The following PRICKLE1 variants were observed in gnomAD, a reference collection of about 807,000 sequenced individuals.
PRICKLE1 encodes the protein prickle planar cell polarity protein 1, also known as prickle-like protein 1.
In PRICKLE1, 14 loss-of-function variants were observed where a neutral mutation model predicts 70.2. The ratio of observed to expected loss-of-function variants is 0.20; its 90% CI spans 0.13 to 0.31. PRICKLE1 has a LOEUF of 0.31. PRICKLE1 is among the 10% of genes least tolerant of loss of function. The pLI is 1.00. For missense variants in PRICKLE1, 821 were observed against 1,026.2 expected, an observed-to-expected ratio of 0.80 and a Z score of 2.73; for synonymous variants, 357 against 379.9, an observed-to-expected ratio of 0.94 and a Z score of 0.70.
At chr12:42,556,813 C>T (rs1592026272) in intron 1 of PRICKLE1, among the ~76,000 whole-genome samples, 3 of 152,080 alleles carry the variant, frequency 2.0e-5, no homozygotes, top group African/African-American at 7.2e-5. Flanking sequence ...ATGGGTTTTG[C>T]AAAATTGAAT....
chr12:42,579,881 T>A lies in PRICKLE1; in HGVS notation c.-49+9584A>T, dbSNP rs187915373. On this transcript the variant is annotated intron_variant, in intron 1 of 7. Transcript: ENST00000345127. ...TTTTTGAGATGGAGTTTATATTATT[T>A]TTTTTTTTGAGATAGGTTTTGCTCT... is the stretch of plus-strand genomic sequence containing the variant. Among the ~76,000 whole-genome samples the A allele has an allele frequency of 3.4e-4, 51 of 152,168 alleles. No individual in the cohort carries two copies. In the East Asian group the frequency reaches 6.7e-3, roughly 20 times the overall value.
intron 1 of PRICKLE1, among the ~76,000 whole-genome samples, chr12:42,574,548 C>T (rs909296857): frequency 6.6e-6 from 1 of 152,104 alleles, no homozygotes; most frequent in South Asian, 2.1e-4. Context: ...CACCAGACTG[C>T]CTGAAAACAT....
At chr12:42,512,116 C>T (rs1441629292) in intron 1 of PRICKLE1, among the ~76,000 whole-genome samples, 6 of 105,420 alleles carry the variant, frequency 5.7e-5, no homozygotes, top group African/African-American at 1.7e-4. Flanking sequence ...AAGGATGGTC[C>T]CATTACAAAA....
chr12:42,505,318 C>T lies in PRICKLE1; in HGVS notation c.-48-32754G>A, dbSNP rs77808383. On this transcript the variant is annotated intron_variant, in intron 1 of 7. Coordinates refer to ENST00000345127, the MANE Select transcript of PRICKLE1 (RefSeq NM_153026.3). ...TTCAGCAAAGGTGGAACAGTTTTGTCCTCCACAGGTATTCTAAAAATGTCA... is the reference window on the plus strand; with the variant it reads ...TTCAGCAAAGGTGGAACAGTTTTGTTCTCCACAGGTATTCTAAAAATGTCA... Among the ~76,000 whole-genome samples the T allele has an allele frequency of 5.1e-3, 781 of 152,280 alleles. 9 individuals are homozygous for T. The highest frequency in any genetic ancestry group is 0.018 in the African/African-American group (757 of 41,562).
At chr12:42,489,270 C>G (rs1566098913) in intron 1 of PRICKLE1, among the ~76,000 whole-genome samples, 1 of 151,164 alleles carries the variant, frequency 6.6e-6, no homozygotes, top group Non-Finnish European at 1.5e-5. Context: ...TCACCAGACC[C>G]TATAAATATT....
intron 7 of PRICKLE1, among the ~76,000 whole-genome samples, chr12:42,461,846 T>G (rs1389640844): frequency 6.6e-6 from 1 of 152,236 alleles, no homozygotes; most frequent in African/African-American, 2.4e-5. Context: ...TCGCCCAGGC[T>G]GGAGTGCAGT....
chr12:42,576,629 G>GTCAAA (rs1397841332), intron 1 of PRICKLE1, among the ~76,000 whole-genome samples: 3 of 152,138 alleles, frequency 2.0e-5, no homozygotes, highest in African/African-American at 7.2e-5. Flanking sequence ...TCTTCCTATT[G>GTCAAA]GTACAGTACT....
At chr12:42,569,778 T>C (rs1362228111) in intron 1 of PRICKLE1, among the ~76,000 whole-genome samples, 1 of 152,210 alleles carries the variant, frequency 6.6e-6, no homozygotes, top group East Asian at 1.9e-4. Context: ...GATGCATCAA[T>C]AATGGCAACA....
At chr12:42,519,193 C>CATTTTT in intron 1 of PRICKLE1, among the ~76,000 whole-genome samples, 1 of 99,208 alleles carries the variant, frequency 1.0e-5, no homozygotes, top group South Asian at 3.8e-4. Context: ...CCTTTTTTTC[C>CATTTTT]TTTTTTTTTT....
chr12:42,502,652 C>T (rs1265831052), intron 1 of PRICKLE1, among the ~76,000 whole-genome samples: 5 of 152,244 alleles, frequency 3.3e-5, no homozygotes, highest in East Asian at 3.9e-4. Flanking sequence ...CTTCTCCTTT[C>T]TACTTTCAAC....
intron 1 of PRICKLE1, among the ~76,000 whole-genome samples, chr12:42,578,245 C>T (rs1481341174): frequency 1.3e-5 from 2 of 152,162 alleles, no homozygotes; most frequent in African/African-American, 4.8e-5. Context: ...TCCTAGCAAG[C>T]TGGTTGAAAT....
intron 1 of PRICKLE1, among the ~76,000 whole-genome samples, chr12:42,477,955 C>CT (rs35905569): frequency 0.023 from 3,021 of 133,096 alleles, 55 homozygotes; most frequent in East Asian, 0.077. Context: ...CTGCCCTATA[C>CT]TTTTTTTTTT....
intron 1 of PRICKLE1, among the ~76,000 whole-genome samples, chr12:42,501,064 C>T (rs1257785976): frequency 6.6e-6 from 1 of 152,002 alleles, no homozygotes; most frequent in Non-Finnish European, 1.5e-5. Flanking sequence ...TTGGTGGGAG[C>T]GATTTAATGA....
chr12:42,460,304 T>C lies in PRICKLE1; in HGVS notation c.2001A>G (p.Gly667=). The C allele has an allele frequency of 1.9e-6, 3 of 1,614,056 alleles. No individual in the cohort carries two copies. Among genetic ancestry groups the C allele is most frequent in the Non-Finnish European group, 2.5e-6 (3 of 1,180,028 alleles). Residue 667 remains glycine, a synonymous_variant, in exon 8 of 8, where the codon GGA becomes GGG. Transcript: ENST00000345127. Reference sequence around the variant, plus strand: ...GGCGGCGGTGGTGATGAGACCTGGATCCCCTCTCTTCAAAATTGTAGACGC... The same window carrying C: ...GGCGGCGGTGGTGATGAGACCTGGACCCCCTCTCTTCAAAATTGTAGACGC... The part of the protein sequence containing the change: ...RRRVYNFEER[G]SRSHHHRRRR...
At chr12:42,486,670 G>A (rs1426865139) in intron 1 of PRICKLE1, among the ~76,000 whole-genome samples, 1 of 152,212 alleles carries the variant, frequency 6.6e-6, no homozygotes, top group Non-Finnish European at 1.5e-5. Context: ...TCCATGTTGT[G>A]TATATAGTGA....
At chr12:42,585,702 C>A (rs1940975950) in intron 1 of PRICKLE1, among the ~76,000 whole-genome samples, 1 of 152,184 alleles carries the variant, frequency 6.6e-6, no homozygotes, top group Non-Finnish European at 1.5e-5. Flanking sequence ...GCAGCTTACT[C>A]AGATTCCCCA....
chr12:42,566,261 G>A (rs1940619849), intron 1 of PRICKLE1, among the ~76,000 whole-genome samples: 1 of 152,184 alleles, frequency 6.6e-6, no homozygotes, highest in African/African-American at 2.4e-5. Flanking sequence ...AGGCAAATTA[G>A]ATGGGACCTG....
At chr12:42,506,666 C>T (rs1467362585) in intron 1 of PRICKLE1, among the ~76,000 whole-genome samples, 2 of 144,346 alleles carry the variant, frequency 1.4e-5, no homozygotes, top group Admixed American at 1.5e-4. Context: ...ATCTCTGCCT[C>T]CCGGGTTCAA....
At chr12:42,542,307 A>ATAAAATTTAT in intron 1 of PRICKLE1, among the ~76,000 whole-genome samples, 1 of 151,966 alleles carries the variant, frequency 6.6e-6, no homozygotes, top group East Asian at 1.9e-4. Flanking sequence ...TTTTTTTCAT[A>ATAAAATTTAT]ATGTTATTAC....
Sources: allele counts gnomAD v4.1 joint callset (sites outside exome capture counted in the v4.1 genomes callset), GRCh38; gene constraint gnomAD v4.1.1; transcripts MANE v1.5; gene names NCBI Gene and HGNC (gene_info 2026-07-23, HGNC 2026-07-21).